SIM1: variants seen among roughly 807,000 people sequenced by gnomAD.
The protein encoded by SIM1 is single-minded homolog 1.
Under a neutral mutation model 78.2 loss-of-function variants are expected in SIM1, and 18 were observed. The ratio of observed to expected loss-of-function variants is 0.23; its 90% CI spans 0.16 to 0.34. The LOEUF (loss-of-function observed/expected upper bound fraction) is 0.34. Ranked by LOEUF, SIM1 falls within the 10% of genes least tolerant of loss-of-function variation. The probability of loss-of-function intolerance (pLI) is 1.00; values close to 1 mark genes in which losing one functional copy is unlikely to be tolerated. For missense variants in SIM1, 939 were observed against 975.1 expected, an observed-to-expected ratio of 0.96 and a Z score of 0.49; for synonymous variants, 417 against 385.2, an observed-to-expected ratio of 1.08 and a Z score of -0.97.
chr6:100,446,375 G>A (rs1322471254), intron 9 of SIM1, among the ~76,000 whole-genome samples: 1 of 152,112 alleles, frequency 6.6e-6, no homozygotes, highest in African/African-American at 2.4e-5. Context: ...CAACCCATGA[G>A]ATCCCCTAAA....
At chr6:100,436,167 T>C (rs1447660308) in intron 9 of SIM1, among the ~76,000 whole-genome samples, 1 of 152,144 alleles carries the variant, frequency 6.6e-6, no homozygotes, top group Admixed American at 6.5e-5. Context: ...TTCCTTCTAA[T>C]TGTGAGTGGA....
chr6:100,422,705 G>T (rs565832957), intron 9 of SIM1, among the ~76,000 whole-genome samples: 1 of 151,290 alleles, frequency 6.6e-6, no homozygotes, highest in Non-Finnish European at 1.5e-5. Flanking sequence ...ACACACACAC[G>T]CACACATAAT....
intron 10 of SIM1, chr6:100,396,059 A>G (rs946660910): frequency 1.0e-6 from 1 of 982,154 alleles, no homozygotes; most frequent in Non-Finnish European, 1.2e-6. Flanking sequence ...CGGTACCTAC[A>G]TCATGCCTTC....
At chr6:100,444,543 C>T (rs576555516) in intron 9 of SIM1, among the ~76,000 whole-genome samples, 24 of 152,128 alleles carry the variant, frequency 1.6e-4, no homozygotes, top group African/African-American at 5.1e-4. Flanking sequence ...AGGGAATTTT[C>T]GGAATTTACT....
intron 10 of SIM1, among the ~76,000 whole-genome samples, chr6:100,408,054 C>A (rs1306955239): frequency 6.6e-6 from 1 of 152,050 alleles, no homozygotes; most frequent in Non-Finnish European, 1.5e-5. Flanking sequence ...ACATCATTAT[C>A]AAGACCTATG....
At chr6:100,405,903 T>A (rs1434689488) in intron 10 of SIM1, among the ~76,000 whole-genome samples, 1 of 152,094 alleles carries the variant, frequency 6.6e-6, no homozygotes, top group Non-Finnish European at 1.5e-5. Flanking sequence ...CTATAAGGAA[T>A]CTCCTATAGG....
At chr6:100,416,979 C>CA (rs113557389) in intron 10 of SIM1, among the ~76,000 whole-genome samples, 28,154 of 141,106 alleles carry the variant, frequency 0.2, 3,154 homozygotes, top group East Asian at 0.43. Context: ...TACTAGTTCT[C>CA]AAAAAAAAAA....
intron 10 of SIM1, among the ~76,000 whole-genome samples, chr6:100,400,530 A>G (rs149074134): frequency 1.2e-4 from 19 of 152,240 alleles, no homozygotes; most frequent in Non-Finnish European, 1.0e-4. Flanking sequence ...TAAATTAAAT[A>G]CAGAATTCTG....
chr6:100,386,541 A>G lies in SIM1; in HGVS notation c.*3820T>C, dbSNP rs2114452461. Reference sequence around the variant, plus strand: ...TTAAAATATATATGCATATTTTCCAAATGGTCTTGTACTATAATTGATCCT... The same window carrying G: ...TTAAAATATATATGCATATTTTCCAGATGGTCTTGTACTATAATTGATCCT... On this transcript the variant is annotated 3_prime_UTR_variant, in exon 12 of 12. Transcript: ENST00000369208. 1 of 152,130 alleles carries G rather than the reference A, an allele frequency of 6.6e-6. No individual in the cohort carries two copies. The highest frequency in any genetic ancestry group is 2.1e-4 in the South Asian group (1 of 4,818). The allele number at this position is 152,130 out of a possible 1,614,324, so 9.4% of individuals were successfully genotyped here.
intron 2 of SIM1, among the ~76,000 whole-genome samples, chr6:100,458,160 G>T (rs975347216): frequency 8.5e-5 from 13 of 152,060 alleles, no homozygotes; most frequent in African/African-American, 3.1e-4. Flanking sequence ...GGAGCCAGCC[G>T]CGAAAAGACG....
In SIM1 at chr6:100,387,493, T is replaced by C. The variant is rs749793601; in HGVS notation, c.*2868A>G. 6.6e-6 allele frequency: 1 copy of C among 152,082 alleles called. No homozygotes were observed. The highest frequency in any genetic ancestry group is 1.5e-5 in the Non-Finnish European group (1 of 67,944). 9.4% of individuals were successfully genotyped at this position (152,082 alleles called of 1,614,324 possible). The stretch of plus-strand genomic sequence containing the variant: ...GTACATTGTCATCAAATGTCTTAAC[T>C]TACCTTGGGTCATTTTGTGATAATC... On this transcript the variant is annotated 3_prime_UTR_variant, in exon 12 of 12. Coordinates refer to ENST00000369208, the MANE Select transcript of SIM1 (RefSeq NM_005068.3).
intron 9 of SIM1, among the ~76,000 whole-genome samples, chr6:100,431,899 A>C (rs1771911159): frequency 6.6e-6 from 1 of 152,182 alleles, no homozygotes; most frequent in African/African-American, 2.4e-5. Flanking sequence ...GTGATGGCTC[A>C]TTCATTGGCC....
intron 9 of SIM1, among the ~76,000 whole-genome samples, chr6:100,424,524 C>A (rs778127729): frequency 6.6e-6 from 1 of 152,124 alleles, no homozygotes; most frequent in South Asian, 2.1e-4. Context: ...CAGCCTCAAC[C>A]TCCCCAGCTC....
chr6:100,460,263 C>T (rs947284475), intron 2 of SIM1, among the ~76,000 whole-genome samples: 15 of 151,900 alleles, frequency 9.9e-5, no homozygotes, highest in African/African-American at 2.9e-4. Flanking sequence ...AAAGTGTATT[C>T]GGCAAATGAG....
At chr6:100,437,588 A>C (rs1017762884) in intron 9 of SIM1, 2 of 82,118 alleles carry the variant, frequency 2.4e-5, no homozygotes, top group Non-Finnish European at 5.4e-5. Flanking sequence ...AGAAAAAAAA[A>C]CATATTTATT....
chr6:100,455,763 G>T (rs1007790896), intron 2 of SIM1, among the ~76,000 whole-genome samples: 2 of 152,192 alleles, frequency 1.3e-5, no homozygotes, highest in East Asian at 3.9e-4. Flanking sequence ...GGTCTCGCGC[G>T]GTTCCCGAAG....
Position 100,393,774 on chromosome 6 carries a change from G to C in SIM1, c.1283C>G (p.Ser428Cys). 1 of 1,614,168 alleles carries C rather than the reference G, an allele frequency of 6.2e-7. No individual in the cohort carries two copies. The highest frequency in any genetic ancestry group is 8.5e-7 in the Non-Finnish European group (1 of 1,180,000). Residue 428 changes from serine (S) to cysteine (C), a missense_variant, in exon 11 of 12, where the codon TCC becomes TGC. Ser to Cys is a moderately radical substitution (Grantham distance 112). Coordinates refer to ENST00000369208, the MANE Select transcript of SIM1 (RefSeq NM_005068.3). ...QLLDPADRPG[S>C]QHDASCAYRQ... is the part of the protein sequence containing the mutation. ...GTAGGCGCACGATGCGTCGTGCTGG[G>C]AGCCAGGCCTATCGGCGGGGTCCAG...
At position 100,385,667 on chromosome 6, in the gene SIM1, TTATGTGTG is replaced by T. The variant is rs1770500386; in HGVS notation, c.*4686_*4693del. 1.5e-5 allele frequency: 1 copy of T among 64,650 alleles called. No individual in the cohort carries two copies. Among genetic ancestry groups the T allele is most frequent in the African/African-American group, 5.9e-5 (1 of 16,974 alleles). The allele number at this position is 64,650 out of a possible 1,614,324, so 4.0% of individuals were successfully genotyped here. ...CTTATGTGAACCATCATTTATTTAT[TTATGTGTG>T]TGTGTGTGTGTGTGTGTGTGTGTGT... is the stretch of plus-strand genomic sequence containing the variant. On this transcript the variant is annotated 3_prime_UTR_variant, in exon 12 of 12. Coordinates refer to ENST00000369208, the MANE Select transcript of SIM1 (RefSeq NM_005068.3).
At position 100,385,945 on chromosome 6, in the gene SIM1, C is replaced by T. The variant is rs866655620; in HGVS notation, c.*4416G>A. 1 of 151,846 alleles carries T rather than the reference C, an allele frequency of 6.6e-6. No homozygotes were observed. Among genetic ancestry groups the T allele is most frequent in the African/African-American group, 2.4e-5 (1 of 41,348 alleles). 9.4% of individuals were successfully genotyped at this position (151,846 alleles called of 1,614,324 possible). On this transcript the variant is annotated 3_prime_UTR_variant, in exon 12 of 12. Coordinates refer to ENST00000369208, the MANE Select transcript of SIM1 (RefSeq NM_005068.3). ...CAACAATATTTTCTATGTCTGATAC[C>T]TTTTGCATGTGTCCATAACTGTTGT... is the stretch of plus-strand genomic sequence containing the variant.
Sources: allele counts gnomAD v4.1 joint callset (sites outside exome capture counted in the v4.1 genomes callset), GRCh38; gene constraint gnomAD v4.1.1; transcripts MANE v1.5; gene names NCBI Gene and HGNC (gene_info 2026-07-23, HGNC 2026-07-21).